The following RMDN2 variants were observed in gnomAD, a reference collection of about 807,000 sequenced individuals.
RMDN2 encodes regulator of microtubule dynamics protein 2.
A neutral mutation model predicts 52.8 loss-of-function variants in RMDN2; 61 were observed. The observed-to-expected ratio is 1.16, with a 90% CI of 0.94 to 1.43. The LOEUF (loss-of-function observed/expected upper bound fraction) is 1.43, where lower values mean the gene tolerates loss of function less well. RMDN2 is among the 40% of genes most tolerant of loss of function. RMDN2 has a pLI of 0.00. For synonymous variants in RMDN2, 180 were observed against 153.1 expected, an observed-to-expected ratio of 1.18 and a Z score of -1.30; for missense variants, 592 against 475.3, an observed-to-expected ratio of 1.25 and a Z score of -2.28.
intron 2 of RMDN2, among the ~76,000 whole-genome samples, chr2:37,932,114 G>A (rs960349171): frequency 2.6e-5 from 4 of 151,604 alleles, no homozygotes; most frequent in African/African-American, 9.7e-5. Flanking sequence ...TCGCAGAGGG[G>A]GATTTGGCAG....
At chr2:37,985,908 A>G (rs1673947297) in intron 5 of RMDN2, among the ~76,000 whole-genome samples, 1 of 152,150 alleles carries the variant, frequency 6.6e-6, no homozygotes, top group Non-Finnish European at 1.5e-5. Flanking sequence ...GTTCATTGTG[A>G]CAATTTTGTA....
intron 10 of RMDN2, among the ~76,000 whole-genome samples, chr2:38,056,399 G>GT (rs1263329620): frequency 1.3e-5 from 2 of 152,196 alleles, no homozygotes; most frequent in Non-Finnish European, 2.9e-5. Context: ...ATCACACTGT[G>GT]TTGGGGCATG....
intron 10 of RMDN2, among the ~76,000 whole-genome samples, chr2:38,065,996 A>G (rs543338659): frequency 1.3e-5 from 2 of 152,334 alleles, no homozygotes; most frequent in South Asian, 4.1e-4. Flanking sequence ...GCCTAAAAAA[A>G]TAGACGGACT....
intron 2 of RMDN2, among the ~76,000 whole-genome samples, chr2:37,944,558 G>T (rs1668066530): frequency 6.6e-6 from 1 of 152,210 alleles, no homozygotes; most frequent in Non-Finnish European, 1.5e-5. Context: ...CTTCTAATGT[G>T]TTTGGTCAAG....
intron 10 of RMDN2, among the ~76,000 whole-genome samples, chr2:38,042,553 A>G (rs924861781): frequency 6.7e-5 from 10 of 149,850 alleles, no homozygotes; most frequent in Non-Finnish European, 8.9e-5. Context: ...TCCGGCTTAT[A>G]TTGTTTTTCT....
intron 2 of RMDN2, among the ~76,000 whole-genome samples, chr2:37,956,370 A>G (rs1190070824): frequency 5.3e-5 from 8 of 151,802 alleles, no homozygotes; most frequent in Non-Finnish European, 1.2e-4. Context: ...AATCCTTTTT[A>G]TTTCTATAAA....
At chr2:38,009,975 A>G (rs1677710989) in intron 10 of RMDN2, among the ~76,000 whole-genome samples, 1 of 151,986 alleles carries the variant, frequency 6.6e-6, no homozygotes. Flanking sequence ...CTGGAGGTCC[A>G]CTCCAGACCC....
intron 10 of RMDN2, among the ~76,000 whole-genome samples, chr2:38,026,003 A>G (rs1679754109): frequency 6.6e-6 from 1 of 152,058 alleles, no homozygotes; most frequent in Admixed American, 6.5e-5. Flanking sequence ...ATTTTCCTTA[A>G]AAACTATGTA....
downstream of RMDN2, among the ~76,000 whole-genome samples, chr2:38,018,183 TGA>T (rs1679057833): frequency 6.6e-6 from 1 of 152,226 alleles, no homozygotes; most frequent in Non-Finnish European, 1.5e-5. Context: ...TAGCTTGGGC[TGA>T]GAGGCCTGAC....
chr2:37,977,064 G>A (rs981041913), intron 4 of RMDN2, among the ~76,000 whole-genome samples: 31 of 152,086 alleles, frequency 2.0e-4, no homozygotes, highest in Non-Finnish European at 3.7e-4. Flanking sequence ...CGAGCATGCT[G>A]CCTTCAAGCA....
chr2:38,027,952 T>C (rs1446417117), intron 10 of RMDN2: 1 of 152,176 alleles, frequency 6.6e-6, no homozygotes, highest in Non-Finnish European at 1.5e-5. Context: ...ACTGTCCTGA[T>C]CTTTAAAACA....
chr2:37,963,794 C>T (rs1329842831), intron 2 of RMDN2, among the ~76,000 whole-genome samples: 1 of 152,208 alleles, frequency 6.6e-6, no homozygotes, highest in Non-Finnish European at 1.5e-5. Context: ...ACAAAACCGC[C>T]ATCGTCATCA....
chr2:37,980,725 A>G (rs1296230139), intron 4 of RMDN2, among the ~76,000 whole-genome samples: 1 of 152,032 alleles, frequency 6.6e-6, no homozygotes, highest in Non-Finnish European at 1.5e-5. Flanking sequence ...TTCTCAGGGA[A>G]GCCTTCCCTT....
intron 10 of RMDN2, among the ~76,000 whole-genome samples, chr2:38,008,546 T>C (rs1677456023): frequency 6.6e-6 from 1 of 152,196 alleles, no homozygotes; most frequent in South Asian, 2.1e-4. Flanking sequence ...TTTTTTTGTT[T>C]TCCATTTGCT....
chr2:37,996,539 G>A (rs1281471899), intron 7 of RMDN2, among the ~76,000 whole-genome samples: 1 of 148,768 alleles, frequency 6.7e-6, no homozygotes, highest in Non-Finnish European at 1.5e-5. Flanking sequence ...AGCCATGATC[G>A]TGCCGCTGTA....
chr2:37,947,637 A>T (rs973073400), intron 2 of RMDN2, among the ~76,000 whole-genome samples: 2 of 152,192 alleles, frequency 1.3e-5, no homozygotes, highest in African/African-American at 4.8e-5. Context: ...ACATTTGATA[A>T]ACTATAAAAA....
At position 38,061,594 on chromosome 2, in the gene RMDN2, C is replaced by A. The variant is rs149606626; in HGVS notation, c.1714-5388C>A. Among the ~76,000 whole-genome samples, 1,252 of 151,720 alleles carry A rather than the reference C, an allele frequency of 8.3e-3. 10 individuals are homozygous for A. Among genetic ancestry groups the A allele is most frequent in the Middle Eastern group, 0.02 (6 of 294 alleles). Reference sequence around the variant, plus strand: ...GGTGTTGCCTCCTTCAGGAAGGCTTCCCTGACTACTCATTCTAAACAGTGC... The same window carrying A: ...GGTGTTGCCTCCTTCAGGAAGGCTTACCTGACTACTCATTCTAAACAGTGC... On this transcript the variant is annotated intron_variant, in intron 10 of 10. Transcript: ENST00000234195.
rs182677812 is a variant in RMDN2, at chr2:37,972,590, C to T, written c.453-1450C>T. 1.5e-3 allele frequency among the ~76,000 whole-genome samples: 230 copies of T among 152,180 alleles called. 6 individuals are homozygous for T. The South Asian group carries it at 0.041, about 27-fold the overall frequency. ...TGGAGGGTTTTGAGCAAAGGAGTGA[C>T]GTGATCTGAGTTATTCTTGCTACTC... On this transcript the variant is annotated intron_variant, in intron 2 of 10. Transcript: ENST00000354545.
At chr2:37,942,493 A>C (rs1468040405) in intron 2 of RMDN2, among the ~76,000 whole-genome samples, 1 of 152,178 alleles carries the variant, frequency 6.6e-6, no homozygotes, top group Non-Finnish European at 1.5e-5. Context: ...TATTATTATT[A>C]TATGTTACTA....
Sources: gnomAD v4.1 joint callset for allele counts (sites outside exome capture counted in the v4.1 genomes callset) on GRCh38, gnomAD v4.1.1 for gene constraint, MANE v1.5 for transcripts, NCBI Gene and HGNC (gene_info 2026-07-23, HGNC 2026-07-21) for gene names.